EEPD1: variants seen among roughly 807,000 people sequenced by gnomAD.
EEPD1 encodes the protein endonuclease/exonuclease/phosphatase family domain-containing protein 1.
Under a neutral mutation model 46.3 loss-of-function variants are expected in EEPD1, and 17 were observed. That is an observed-to-expected ratio of 0.37 (90% CI 0.25 to 0.55). The LOEUF (loss-of-function observed/expected upper bound fraction) is 0.55, where lower values mean the gene tolerates loss of function less well. Ranked by LOEUF, EEPD1 falls within the 20% of genes least tolerant of loss-of-function variation. The pLI is 0.83. For missense variants in EEPD1, 673 were observed against 745.6 expected, an observed-to-expected ratio of 0.90 and a Z score of 1.13; for synonymous variants, 313 against 315.6, an observed-to-expected ratio of 0.99 and a Z score of 0.09.
chr7:36,281,309 C>A, intron 4 of EEPD1, 84 bp downstream of exon 4: 4 of 1,244,886 alleles, frequency 3.2e-6, no homozygotes, highest in Non-Finnish European at 4.6e-6. Context: ...TAAAAATTTC[C>A]TTTGCCAATA....
intron 3 of EEPD1, among the ~76,000 whole-genome samples, chr7:36,247,448 T>G (rs531006151): frequency 1.3e-5 from 2 of 152,352 alleles, no homozygotes; most frequent in South Asian, 4.1e-4. Context: ...AATTGAGTGC[T>G]TGCTCAGTGC....
intron 5 of EEPD1, among the ~76,000 whole-genome samples, chr7:36,285,165 A>G (rs1235290944): frequency 6.6e-6 from 1 of 152,168 alleles, no homozygotes; most frequent in Non-Finnish European, 1.5e-5. Flanking sequence ...TCAGACATAC[A>G]GAATTTGGGG....
At chr7:36,163,936 G>C (rs920387534) in intron 2 of EEPD1, among the ~76,000 whole-genome samples, 4 of 150,412 alleles carry the variant, frequency 2.7e-5, no homozygotes, top group Admixed American at 1.3e-4. Flanking sequence ...CAGAGTAGTT[G>C]TATTTCATTC....
intron 6 of EEPD1, among the ~76,000 whole-genome samples, chr7:36,288,865 A>G (rs982635355): frequency 6.6e-6 from 1 of 152,104 alleles, no homozygotes; most frequent in Non-Finnish European, 1.5e-5. Flanking sequence ...GAAAAGGTTG[A>G]CAAGGCTGTG....
chr7:36,176,585 T>C (rs1785184602), intron 2 of EEPD1, among the ~76,000 whole-genome samples: 1 of 152,242 alleles, frequency 6.6e-6, no homozygotes, highest in Admixed American at 6.5e-5. Context: ...TTTGTACTTC[T>C]GTAGAGGAGT....
chr7:36,267,988 G>A (rs1182320006), intron 3 of EEPD1, among the ~76,000 whole-genome samples: 1 of 152,172 alleles, frequency 6.6e-6, no homozygotes, highest in Non-Finnish European at 1.5e-5. Context: ...CACCAGGAAT[G>A]GAATCGCTGG....
chr7:36,236,318 G>A (rs1267713970), intron 2 of EEPD1, among the ~76,000 whole-genome samples: 1 of 152,226 alleles, frequency 6.6e-6, no homozygotes, highest in Non-Finnish European at 1.5e-5. Flanking sequence ...AAGCGGCGCT[G>A]GCGGGCCACG....
intron 2 of EEPD1, 41 bp downstream of exon 2, chr7:36,155,243 A>C (rs777740200): frequency 2.0e-5 from 30 of 1,495,092 alleles, no homozygotes; most frequent in Non-Finnish European, 2.7e-5. Flanking sequence ...TGTGAAGGCA[A>C]CTTGTGCGTG....
At chr7:36,247,334 G>A (rs1786657822) in intron 3 of EEPD1, among the ~76,000 whole-genome samples, 2 of 152,106 alleles carry the variant, frequency 1.3e-5, no homozygotes, top group South Asian at 4.1e-4. Flanking sequence ...GGTGTTTTCT[G>A]AATATACACA....
intron 2 of EEPD1, among the ~76,000 whole-genome samples, chr7:36,170,132 C>T (rs565265313): frequency 2.0e-4 from 30 of 152,264 alleles, no homozygotes; most frequent in African/African-American, 7.0e-4. Flanking sequence ...TGGCCGGGTG[C>T]GGTGGCTCGC....
intron 2 of EEPD1, among the ~76,000 whole-genome samples, chr7:36,157,655 G>A (rs1483937303): frequency 1.3e-5 from 2 of 152,234 alleles, no homozygotes; most frequent in African/African-American, 4.8e-5. Context: ...TGTGTTGGAG[G>A]TTGATGGTTC....
At chr7:36,259,972 A>G (rs1457966023) in intron 3 of EEPD1, among the ~76,000 whole-genome samples, 1 of 152,152 alleles carries the variant, frequency 6.6e-6, no homozygotes, top group Non-Finnish European at 1.5e-5. Context: ...CCTCACTCCA[A>G]TACATCTCTA....
At chr7:36,298,240 TGAAG>T (rs1787556895) in intron 7 of EEPD1, among the ~76,000 whole-genome samples, 1 of 152,176 alleles carries the variant, frequency 6.6e-6, no homozygotes, top group Non-Finnish European at 1.5e-5. Context: ...AGGTGTCTAT[TGAAG>T]GAAGAGAGCT....
intron 2 of EEPD1, among the ~76,000 whole-genome samples, chr7:36,160,957 G>A (rs149625000): frequency 0.01 from 1,541 of 152,242 alleles, 16 homozygotes; most frequent in Middle Eastern, 0.017. Context: ...ATTTTAACAT[G>A]ATGCAAGGTG....
At chr7:36,166,725 C>A (rs1784988267) in intron 2 of EEPD1, among the ~76,000 whole-genome samples, 1 of 152,156 alleles carries the variant, frequency 6.6e-6, no homozygotes, top group South Asian at 2.1e-4. Context: ...TTGATTAATT[C>A]TGTTAGTTAA....
chr7:36,176,049 G>A (rs928975212), intron 2 of EEPD1, among the ~76,000 whole-genome samples: 1 of 152,282 alleles, frequency 6.6e-6, no homozygotes, highest in South Asian at 2.1e-4. Context: ...GGTCTGAGGA[G>A]GGGAGGCCCA....
At chr7:36,284,661 G>A in intron 4 of EEPD1, 25 bp from the exon 5 acceptor site, 1 of 1,605,232 alleles carries the variant, frequency 6.2e-7, no homozygotes, top group Non-Finnish European at 8.5e-7. Flanking sequence ...CTGGCACCAA[G>A]ACTCTGTCTC....
chr7:36,163,783 C>T (rs1784939656), intron 2 of EEPD1, among the ~76,000 whole-genome samples: 1 of 149,946 alleles, frequency 6.7e-6, no homozygotes, highest in African/African-American at 2.5e-5. Context: ...AAGGCTGAGG[C>T]AGGAGAATGG....
intron 7 of EEPD1, 41 bp downstream of exon 7, chr7:36,297,228 GGAGT>G: frequency 6.2e-7 from 1 of 1,601,074 alleles, no homozygotes; most frequent in South Asian, 1.1e-5. Context: ...GTTCAGGAAT[GGAGT>G]GAGAGAAACA....
Sources: allele counts gnomAD v4.1 joint callset (sites outside exome capture counted in the v4.1 genomes callset), GRCh38; gene constraint gnomAD v4.1.1; transcripts MANE v1.5; gene names NCBI Gene and HGNC (gene_info 2026-07-23, HGNC 2026-07-21).